The following ZFHX4 variants were observed in gnomAD, a reference collection of about 807,000 sequenced individuals.
The protein encoded by ZFHX4 is zinc finger homeobox protein 4.
Under a neutral mutation model 267.6 loss-of-function variants are expected in ZFHX4, and 56 were observed. The ratio of observed to expected loss-of-function variants is 0.21; its 90% confidence interval spans 0.17 to 0.26. ZFHX4 has a LOEUF of 0.26. Ranked by LOEUF, ZFHX4 falls within the 10% of genes least tolerant of loss-of-function variation. ZFHX4 has a pLI of 1.00. For missense variants in ZFHX4, 4,332 were observed against 4,420.0 expected (o/e 0.98, Z 0.56); for synonymous variants, 1,778 against 1,665.6 (o/e 1.07, Z -1.64).
At chr8:76,735,877 T>G (rs771988038) in intron 3 of ZFHX4, among the ~76,000 whole-genome samples, 2 of 152,108 alleles carry the variant, frequency 1.3e-5, no homozygotes, top group Non-Finnish European at 2.9e-5. Context: ...AGACATGCAC[T>G]TATGCCTGTC....
intron 4 of ZFHX4, among the ~76,000 whole-genome samples, chr8:76,793,133 C>T (rs945931285): frequency 1.3e-5 from 2 of 152,110 alleles, no homozygotes; most frequent in East Asian, 3.9e-4. Context: ...TATTCTGCTG[C>T]TTCTGCCTCA....
At position 76,852,903 on chromosome 8, in the gene ZFHX4, A is replaced by C. The variant is rs368501640; in HGVS notation, c.5982A>C (p.Pro1994=). 157 of 1,611,508 alleles carry C rather than the reference A, an allele frequency of 9.7e-5. No homozygotes were observed. The highest frequency in any genetic ancestry group is 1.3e-4 in the Non-Finnish European group (154 of 1,178,778). Residue 1994 remains proline, a synonymous_variant, in exon 10 of 11, where the codon CCA becomes CCC. Transcript: ENST00000651372. ...QYREAYDKLY[P]ISPSSPETPP... ...GGGAGGCCTATGACAAGCTTTATCC[A>C]ATTTCTCCATCTTCTCCAGAAACGC...
chr8:76,697,901 C>CT (rs1808000416), intron 1 of ZFHX4, among the ~76,000 whole-genome samples: 1 of 151,914 alleles, frequency 6.6e-6, no homozygotes, highest in Non-Finnish European at 1.5e-5. Context: ...TGAAGTATGG[C>CT]TGGGTCACTG....
chr8:76,726,480 A>G (rs764298119), intron 3 of ZFHX4, among the ~76,000 whole-genome samples: 1 of 152,216 alleles, frequency 6.6e-6, no homozygotes, highest in Non-Finnish European at 1.5e-5. Flanking sequence ...AAATTATGAA[A>G]GGAATATTAG....
At chr8:76,729,906 T>C (rs1349649735) in intron 3 of ZFHX4, among the ~76,000 whole-genome samples, 1 of 152,100 alleles carries the variant, frequency 6.6e-6, no homozygotes, top group Non-Finnish European at 1.5e-5. Flanking sequence ...TTTACTGAAG[T>C]CTATGAAATA....
chr8:76,802,470 C>T (rs1811140291), intron 4 of ZFHX4, among the ~76,000 whole-genome samples: 1 of 152,122 alleles, frequency 6.6e-6, no homozygotes, highest in Non-Finnish European at 1.5e-5. Context: ...TACATAATGC[C>T]TACAAGCTTC....
chr8:76,699,485 C>T (rs1335636597), intron 1 of ZFHX4, among the ~76,000 whole-genome samples: 2 of 152,086 alleles, frequency 1.3e-5, no homozygotes, highest in African/African-American at 2.4e-5. Flanking sequence ...CTAGCACCAA[C>T]TTAAGACTGA....
rs1439277451 is a variant in ZFHX4 at position 76,865,894 on chromosome 8, T to C, written c.*1329T>C. 1 of 152,578 alleles carries C rather than the reference T, an allele frequency of 6.6e-6. No individual in the cohort carries two copies. The highest frequency in any genetic ancestry group is 1.5e-5 in the Non-Finnish European group (1 of 68,032). 9.5% of individuals were successfully genotyped at this position (152,578 alleles called of 1,614,324 possible). On this transcript the variant is annotated 3_prime_UTR_variant, in exon 11 of 11. Transcript: ENST00000651372. ...TTTTAACCTGTTTTGTTTTATCATA[T>C]ATGCATTAAAAGTATTATCTTTATC...
At chr8:76,857,352 TTTTA>T (rs974068546) in intron 10 of ZFHX4, among the ~76,000 whole-genome samples, 16 of 76,038 alleles carry the variant, frequency 2.1e-4, no homozygotes, top group Admixed American at 9.9e-4. Context: ...AATTCACTAA[TTTTA>T]TATATATATA....
chr8:76,770,965 C>T (rs1810249003), intron 3 of ZFHX4, among the ~76,000 whole-genome samples: 1 of 152,052 alleles, frequency 6.6e-6, no homozygotes, highest in Admixed American at 6.6e-5. Flanking sequence ...ATAAGGATTC[C>T]ATTCTTAAAC....
chr8:76,709,384 A>G (rs1405665550), intron 3 of ZFHX4, among the ~76,000 whole-genome samples: 12 of 152,206 alleles, frequency 7.9e-5, no homozygotes, highest in Admixed American at 7.2e-4. Context: ...GAAAGCTTCT[A>G]AGTTGACAGT....
chr8:76,724,235 C>T (rs1265396017), intron 3 of ZFHX4, among the ~76,000 whole-genome samples: 1 of 151,974 alleles, frequency 6.6e-6, no homozygotes, highest in Non-Finnish European at 1.5e-5. Context: ...TTGAAGGTTG[C>T]TTGTAGATCT....
intron 3 of ZFHX4, among the ~76,000 whole-genome samples, chr8:76,709,292 C>A (rs920310846): frequency 1.3e-5 from 2 of 152,158 alleles, no homozygotes; most frequent in Non-Finnish European, 2.9e-5. Context: ...GTGATATTGG[C>A]ACTCTGTGGA....
chr8:76,696,708 A>G (rs944510088), intron 1 of ZFHX4, among the ~76,000 whole-genome samples: 3 of 151,878 alleles, frequency 2.0e-5, no homozygotes, highest in Admixed American at 6.6e-5. Flanking sequence ...AATAACAACT[A>G]ATCTCAGAAA....
At chr8:76,803,849 A>G (rs1373726539) in intron 4 of ZFHX4, among the ~76,000 whole-genome samples, 2 of 152,164 alleles carry the variant, frequency 1.3e-5, no homozygotes, top group Non-Finnish European at 2.9e-5. Flanking sequence ...GATAGTAAGT[A>G]TATATCATTT....
intron 1 of ZFHX4, among the ~76,000 whole-genome samples, chr8:76,682,318 GA>G (rs1260547839): frequency 6.6e-6 from 1 of 152,126 alleles, no homozygotes; most frequent in Non-Finnish European, 1.5e-5. Flanking sequence ...CAAGTTCCCC[GA>G]AGGTCGCTTA....
At chr8:76,794,563 C>T (rs746420980) in intron 4 of ZFHX4, among the ~76,000 whole-genome samples, 24 of 152,054 alleles carry the variant, frequency 1.6e-4, no homozygotes, top group African/African-American at 1.4e-4. Flanking sequence ...CAGAACAATG[C>T]GCTGCCACTT....
intron 4 of ZFHX4, among the ~76,000 whole-genome samples, chr8:76,796,623 G>T (rs774389145): frequency 6.6e-6 from 1 of 152,124 alleles, no homozygotes; most frequent in African/African-American, 2.4e-5. Context: ...TACTTCAGTG[G>T]CTGAGTGCTG....
intron 3 of ZFHX4, among the ~76,000 whole-genome samples, chr8:76,714,996 TATA>T (rs1808526762): frequency 1.3e-5 from 2 of 152,340 alleles, no homozygotes; most frequent in South Asian, 4.1e-4. Flanking sequence ...GTAGATGTAG[TATA>T]ATGTCACTTC....
Sources: gnomAD v4.1 joint callset for allele counts (sites outside exome capture counted in the v4.1 genomes callset) on GRCh38, gnomAD v4.1.1 for gene constraint, MANE v1.5 for transcripts, NCBI Gene and HGNC (gene_info 2026-07-23, HGNC 2026-07-21) for gene names.